Variants in TUSC3 observed in about 807,000 individuals in gnomAD.
The protein encoded by TUSC3 is tumor suppressor candidate 3, also known as dolichyl-diphosphooligosaccharide--protein glycosyltransferase subunit TUSC3.
In TUSC3, 45 loss-of-function variants were observed where a neutral mutation model predicts 44.8. The observed-to-expected ratio is 1.00, with a 90% CI of 0.79 to 1.29. The LOEUF is 1.29. TUSC3 is among the 50% of genes most tolerant of loss of function. The pLI, the probability that TUSC3 is intolerant of heterozygous loss-of-function variation, is 0.00. For missense variants in TUSC3, 519 were observed against 437.9 expected (o/e 1.19, Z -1.65); for synonymous variants, 212 against 152.9 (o/e 1.39, Z -2.85).
intron 1 of TUSC3, among the ~76,000 whole-genome samples, chr8:15,423,864 A>G (rs1799768504): frequency 1.3e-5 from 2 of 150,474 alleles, no homozygotes; most frequent in South Asian, 2.1e-4. Context: ...TTGTTTCTCT[A>G]TTGAGAGAAG....
At chr8:15,613,124 G>A (rs1271040166) in intron 1 of TUSC3, among the ~76,000 whole-genome samples, 1 of 149,510 alleles carries the variant, frequency 6.7e-6, no homozygotes, top group Non-Finnish European at 1.5e-5. Flanking sequence ...TGTACACATG[G>A]ACACTTTTTA....
intron 2 of TUSC3, among the ~76,000 whole-genome samples, chr8:15,518,259 G>A (rs186863490): frequency 8.3e-4 from 126 of 151,932 alleles, no homozygotes; most frequent in Admixed American, 2.1e-3. Context: ...GTAAAATACC[G>A]TATCTTTTCA....
chr8:15,522,855 T>C (rs2129129680), intron 2 of TUSC3, among the ~76,000 whole-genome samples: 1 of 152,294 alleles, frequency 6.6e-6, no homozygotes, highest in East Asian at 1.9e-4. Context: ...CTCAAGCTTG[T>C]CTACACAAAT....
At chr8:15,658,635 T>TACACACACACAC (rs1210424677) in intron 3 of TUSC3, among the ~76,000 whole-genome samples, 10 of 114,256 alleles carry the variant, frequency 8.8e-5, no homozygotes, top group Admixed American at 3.5e-4. Flanking sequence ...TATACACATA[T>TACACACACACAC]ATATACACAC....
the TUSC3 span, among the ~76,000 whole-genome samples, chr8:15,846,601 AT>A: frequency 6.6e-6 from 1 of 152,144 alleles, no homozygotes; most frequent in African/African-American, 2.4e-5. Context: ...GCAAACTAAC[AT>A]AAGAACAGAA....
chr8:15,571,293 A>C (rs148372790), intron 1 of TUSC3, among the ~76,000 whole-genome samples: 1 of 152,042 alleles, frequency 6.6e-6, no homozygotes, highest in Non-Finnish European at 1.5e-5. Flanking sequence ...TATACTTTCA[A>C]TTGAATACAG....
chr8:15,427,961 T>G (rs1799825694), intron 1 of TUSC3, among the ~76,000 whole-genome samples: 1 of 145,200 alleles, frequency 6.9e-6, no homozygotes, highest in Non-Finnish European at 1.5e-5. Flanking sequence ...TTTATTCTTT[T>G]TTTAAATTTT....
chr8:15,457,312 A>G lies in TUSC3; in HGVS notation n.92-26074A>G, dbSNP rs148017446. Among the ~76,000 whole-genome samples the G allele has an allele frequency of 7.8e-3, 1,186 of 152,068 alleles. 19 individuals carry two copies. Among genetic ancestry groups the G allele is most frequent in the African/African-American group, 0.027 (1,132 of 41,522 alleles). Reference sequence around the variant, plus strand: ...GCACAAGTACCCTAGAACTTAAAGTATAATAAAAATATATATATATTTAAA... The same window carrying G: ...GCACAAGTACCCTAGAACTTAAAGTGTAATAAAAATATATATATATTTAAA... On this transcript the variant is annotated intron_variant and non_coding_transcript_variant, in intron 1 of 5. Transcript: ENST00000503191.
At chr8:15,433,537 C>A (rs1337413918) in intron 1 of TUSC3, among the ~76,000 whole-genome samples, 2 of 152,030 alleles carry the variant, frequency 1.3e-5, no homozygotes, top group African/African-American at 4.8e-5. Context: ...TAGCTCCCCA[C>A]TCCCCCACCC....
chr8:15,443,137 A>AT (rs557484292), intron 1 of TUSC3, among the ~76,000 whole-genome samples: 1 of 151,790 alleles, frequency 6.6e-6, no homozygotes, highest in Non-Finnish European at 1.5e-5. Context: ...AAAATCTGAC[A>AT]TTTTTTTCTT....
intron 1 of TUSC3, among the ~76,000 whole-genome samples, chr8:15,550,240 G>T (rs934847668): frequency 6.6e-6 from 1 of 151,660 alleles, no homozygotes; most frequent in Non-Finnish European, 1.5e-5. Context: ...TTTTATTTCT[G>T]TTTTCTTTGG....
At chr8:15,644,078 T>G (rs916006860) in intron 2 of TUSC3, among the ~76,000 whole-genome samples, 17 of 152,196 alleles carry the variant, frequency 1.1e-4, no homozygotes, top group Non-Finnish European at 8.8e-5. Context: ...TCATGGGAAA[T>G]AAATATGTAG....
At chr8:15,718,223 A>C (rs1008377164) in intron 6 of TUSC3, among the ~76,000 whole-genome samples, 2 of 152,140 alleles carry the variant, frequency 1.3e-5, no homozygotes, top group South Asian at 4.1e-4. Flanking sequence ...AGCGTGATAC[A>C]TTAAACATTC....
At position 15,723,557 on chromosome 8, in the gene TUSC3, C is replaced by T. The variant is rs1054948663; in HGVS notation, c.799-7109C>T. ...CTTCTTTCAGGCAAATCCAGAAAGACTTGGCCTGAGAATTTTATCATCTAT... is the reference window on the plus strand; with the variant it reads ...CTTCTTTCAGGCAAATCCAGAAAGATTTGGCCTGAGAATTTTATCATCTAT... On this transcript the variant is annotated intron_variant, in intron 6 of 10. Transcript: ENST00000503731. Among the ~76,000 whole-genome samples the T allele has an allele frequency of 3.3e-5, 5 of 152,116 alleles. No individual in the cohort carries two copies. The East Asian group carries it at 9.7e-4, about 29-fold the overall frequency.
intron 1 of TUSC3, among the ~76,000 whole-genome samples, chr8:15,594,919 T>G (rs931398973): frequency 2.0e-5 from 3 of 152,108 alleles, no homozygotes; most frequent in Non-Finnish European, 4.4e-5. Context: ...GATGGAGTTT[T>G]GACTGGATGC....
chr8:15,730,751 G>C (rs374178214), intron 7 of TUSC3, 22 bp downstream of exon 7: 1 of 1,608,934 alleles, frequency 6.2e-7, no homozygotes, highest in Admixed American at 1.7e-5. Context: ...AGATACCGAC[G>C]AATTGAAAAG....
chr8:15,661,513 C>G (rs1346053795), intron 4 of TUSC3, among the ~76,000 whole-genome samples: 9 of 151,876 alleles, frequency 5.9e-5, no homozygotes, highest in Admixed American at 5.9e-4. Context: ...TACATAGGTC[C>G]TGTTTTGTTT....
At chr8:15,527,036 G>C (rs572217488) in intron 2 of TUSC3, among the ~76,000 whole-genome samples, 7 of 152,156 alleles carry the variant, frequency 4.6e-5, no homozygotes, top group South Asian at 2.1e-4. Flanking sequence ...AGAAAAGTTT[G>C]AATAATTGAT....
chr8:15,530,039 C>T (rs1801430255), intron 2 of TUSC3, among the ~76,000 whole-genome samples: 1 of 132,872 alleles, frequency 7.5e-6, no homozygotes, highest in Non-Finnish European at 1.6e-5. Flanking sequence ...CCCGCCTCGG[C>T]CTCCCAAAGT....
Sources: allele counts gnomAD v4.1 joint callset (sites outside exome capture counted in the v4.1 genomes callset), GRCh38; gene constraint gnomAD v4.1.1; transcripts MANE v1.5; gene names NCBI Gene and HGNC (gene_info 2026-07-23, HGNC 2026-07-21).